PTPRN2: variants seen among roughly 807,000 people sequenced by gnomAD.
The protein encoded by PTPRN2 is protein tyrosine phosphatase receptor type N2, also known as receptor-type tyrosine-protein phosphatase N2.
Under a neutral mutation model 118.8 loss-of-function variants are expected in PTPRN2, and 74 were observed. The observed-to-expected ratio is 0.62, with a 90% CI of 0.52 to 0.76. The LOEUF is 0.76. Ranked by LOEUF, PTPRN2 falls within the 30% of genes least tolerant of loss-of-function variation. PTPRN2 has a pLI of 0.00. For synonymous variants in PTPRN2, 641 were observed against 608.0 expected, an observed-to-expected ratio of 1.05 and a Z score of -0.80; for missense variants, 1,481 against 1,394.4, an observed-to-expected ratio of 1.06 and a Z score of -0.99.
intron 2 of PTPRN2, among the ~76,000 whole-genome samples, chr7:158,344,594 C>G (rs1386544247): frequency 1.3e-5 from 2 of 152,152 alleles, no homozygotes; most frequent in Admixed American, 1.3e-4. Flanking sequence ...GAAAACCAGA[C>G]TTTTCTAGCC....
intron 2 of PTPRN2, among the ~76,000 whole-genome samples, chr7:158,355,498 G>A (rs1044116190): frequency 6.6e-6 from 1 of 152,240 alleles, no homozygotes; most frequent in Non-Finnish European, 1.5e-5. Flanking sequence ...TGTGTCAACA[G>A]AGAACTGAGG....
intron 3 of PTPRN2, among the ~76,000 whole-genome samples, chr7:158,245,209 CGGTCATGCCGGAACCCAT>C (rs1796154728): frequency 2.1e-5 from 1 of 48,162 alleles, no homozygotes; most frequent in Admixed American, 1.8e-4. Flanking sequence ...CTGGAATCCA[CGGTCATGCCGGAACCCAT>C]GGCCATGCCG....
intron 3 of PTPRN2, among the ~76,000 whole-genome samples, chr7:158,205,992 G>A (rs567997675): frequency 3.9e-5 from 6 of 152,120 alleles, no homozygotes; most frequent in African/African-American, 7.2e-5. Flanking sequence ...AAACTTGAAG[G>A]CTGCCTATGA....
At chr7:158,255,914 A>G (rs1422865509) in intron 3 of PTPRN2, among the ~76,000 whole-genome samples, 1 of 152,118 alleles carries the variant, frequency 6.6e-6, no homozygotes, top group Non-Finnish European at 1.5e-5. Flanking sequence ...AAAACCTTCT[A>G]AACCAGACGA....
chr7:158,086,861 A>T (rs1319501783), intron 10 of PTPRN2, among the ~76,000 whole-genome samples: 1 of 152,200 alleles, frequency 6.6e-6, no homozygotes, highest in African/African-American at 2.4e-5. Flanking sequence ...TCTGTGTTGA[A>T]GCGCTTTCAC....
chr7:158,267,334 C>T (rs984800037), intron 3 of PTPRN2, among the ~76,000 whole-genome samples: 8 of 152,138 alleles, frequency 5.3e-5, no homozygotes, highest in Non-Finnish European at 1.0e-4. Flanking sequence ...GGGCGTGGTG[C>T]TCACAGCAAC....
chr7:157,906,817 A>G lies in PTPRN2; in HGVS notation c.1724-8080T>C, dbSNP rs544159992. Among the ~76,000 whole-genome samples, 15 of 152,052 alleles carry G rather than the reference A, an allele frequency of 9.9e-5. No individual in the cohort carries two copies. In the East Asian group the frequency reaches 2.1e-3, roughly 22 times the overall value. On this transcript the variant is annotated intron_variant, in intron 11 of 22. Transcript: ENST00000389418. ...CTTAGGGAGGGGCAGGGTAGGAAGG[A>G]CCCACGTGTCCTGAGCCCCTCTAGA...
chr7:157,751,001 C>T (rs1043632292), intron 12 of PTPRN2, among the ~76,000 whole-genome samples: 2 of 152,224 alleles, frequency 1.3e-5, no homozygotes, highest in African/African-American at 2.4e-5. Flanking sequence ...AAGGGCTACT[C>T]GACCGTGGGC....
intron 3 of PTPRN2, among the ~76,000 whole-genome samples, chr7:158,282,522 G>A (rs1240044866): frequency 6.6e-6 from 1 of 152,228 alleles, no homozygotes; most frequent in African/African-American, 2.4e-5. Flanking sequence ...CTGCGGCTGA[G>A]TTTGTGAGCT....
At chr7:158,175,553 C>A (rs111693768) in intron 5 of PTPRN2, among the ~76,000 whole-genome samples, 1 of 152,140 alleles carries the variant, frequency 6.6e-6, no homozygotes, top group Non-Finnish European at 1.5e-5. Context: ...GTGGCCCACT[C>A]GTGTGGAGGG....
At chr7:157,725,006 G>C (rs75916873) in intron 12 of PTPRN2, among the ~76,000 whole-genome samples, 1 of 152,314 alleles carries the variant, frequency 6.6e-6, no homozygotes, top group East Asian at 1.9e-4. Flanking sequence ...AAAATGTACT[G>C]ATCTGAAATA....
At chr7:158,302,193 G>A (rs1220572575) in intron 3 of PTPRN2, among the ~76,000 whole-genome samples, 1 of 152,150 alleles carries the variant, frequency 6.6e-6, no homozygotes, top group African/African-American at 2.4e-5. Context: ...TGCTTCCTGG[G>A]GACTCTGCAT....
intron 11 of PTPRN2, among the ~76,000 whole-genome samples, chr7:157,967,638 C>T (rs746356174): frequency 2.3e-4 from 35 of 152,142 alleles, no homozygotes; most frequent in Non-Finnish European, 4.1e-4. Flanking sequence ...AAAAGGAGAA[C>T]GATGCTGACC....
chr7:158,146,898 A>T (rs550088958), intron 6 of PTPRN2, among the ~76,000 whole-genome samples: 1 of 151,904 alleles, frequency 6.6e-6, no homozygotes, highest in South Asian at 2.1e-4. Flanking sequence ...CACCATTAAG[A>T]TCCTGTGAAG....
intron 12 of PTPRN2, among the ~76,000 whole-genome samples, chr7:157,692,215 C>T (rs937939415): frequency 2.6e-5 from 4 of 151,946 alleles, no homozygotes; most frequent in African/African-American, 9.7e-5. Context: ...CCGCGCCACT[C>T]GACGCCCCTC....
intron 3 of PTPRN2, among the ~76,000 whole-genome samples, chr7:158,213,388 C>T (rs547272897): frequency 1.4e-4 from 21 of 152,052 alleles, no homozygotes; most frequent in South Asian, 4.2e-4. Flanking sequence ...ATGTTATAGA[C>T]GGCAAATTAA....
chr7:158,550,663 T>C (rs28542170), intron 1 of PTPRN2, among the ~76,000 whole-genome samples: 20 of 152,362 alleles, frequency 1.3e-4, no homozygotes, highest in African/African-American at 4.6e-4. Context: ...AGCCTCTTCG[T>C]TTATTCATTT....
At chr7:158,443,647 G>A (rs1487914297) in intron 2 of PTPRN2, among the ~76,000 whole-genome samples, 1 of 152,086 alleles carries the variant, frequency 6.6e-6, no homozygotes, top group Non-Finnish European at 1.5e-5. Context: ...AAATCTTCCT[G>A]CCAAGCGTGC....
chr7:158,492,875 T>C (rs1242518648), intron 1 of PTPRN2, among the ~76,000 whole-genome samples: 2 of 152,250 alleles, frequency 1.3e-5, no homozygotes, highest in African/African-American at 4.8e-5. Context: ...ACACCCGCCA[T>C]GTGGCGGCAA....
Sources: gnomAD v4.1 joint callset for allele counts (sites outside exome capture counted in the v4.1 genomes callset) on GRCh38, gnomAD v4.1.1 for gene constraint, MANE v1.5 for transcripts, NCBI Gene and HGNC (gene_info 2026-07-23, HGNC 2026-07-21) for gene names.